The following RAPSN variants were observed in gnomAD, a reference collection of about 807,000 sequenced individuals.
RAPSN encodes 43 kDa receptor-associated protein of the synapse.
A neutral mutation model predicts 45.7 loss-of-function variants in RAPSN; 33 were observed. The observed-to-expected ratio is 0.72, with a 90% CI of 0.55 to 0.97. The LOEUF (loss-of-function observed/expected upper bound fraction) is 0.97. Among genes scored for constraint, RAPSN ranks in the 50% least tolerant of loss-of-function variants. The pLI is 0.00. For missense variants in RAPSN, 519 were observed against 559.4 expected (o/e 0.93, Z 0.73); for synonymous variants, 244 against 233.6 (o/e 1.04, Z -0.40).
chr11:47,437,880 G>T lies in RAPSN; in HGVS notation c.*95C>A. 6.7e-7 allele frequency: 1 copy of T among 1,492,454 alleles called. No homozygotes were observed. Among genetic ancestry groups the T allele is most frequent in the Non-Finnish European group, 9.1e-7 (1 of 1,095,578 alleles). The allele number at this position is 1,492,454 out of a possible 1,614,324, so 92.5% of individuals were successfully genotyped here. A position where few individuals can be genotyped will look rare whatever the true frequency, so the allele number is the denominator to read the frequency against. The stretch of plus-strand genomic sequence containing the variant: ...CCAAGGCCTTGGCTATGGTGAGGAC[G>T]ACCTGGCAGCTGCCCCAGGAGTAAA... On this transcript the variant is annotated 3_prime_UTR_variant, in exon 8 of 8. Transcript: ENST00000298854.
In RAPSN at chr11:47,438,820, C is replaced by A; in HGVS notation, c.1078G>T (p.Glu360Ter). The change falls in exon 7 of 8, where the codon GAG becomes TAG. Residue 360 changes from glutamate (E) to a stop codon, truncating the protein, a stop_gained. Coordinates refer to ENST00000298854, the MANE Select transcript of RAPSN (RefSeq NM_005055.5). LOFTEE classifies it high-confidence loss of function. ...VRFHECVEETELYCGLCGESI... is the reference protein window; with the variant it reads ...VRFHECVEET ...TCGCCGCACAGGCCGCAGTAGAGCT[C>A]CGTCTCCTCCACGCACTCGTGGAAC... 1 of 1,573,726 alleles carries A rather than the reference C, an allele frequency of 6.4e-7. No homozygotes were observed. The highest frequency in any genetic ancestry group is 8.6e-7 in the Non-Finnish European group (1 of 1,158,706).
rs1161231934 is a variant in RAPSN, at chr11:47,443,931, C to CAAAAAAAAAAAAAAAAAAAA, written c.532-1137_532-1118dup. 5.4e-3 allele frequency among the ~76,000 whole-genome samples: 75 copies of CAAAAAAAAAAAAAAAAAAAA among 13,968 alleles called. 2 individuals are homozygous for CAAAAAAAAAAAAAAAAAAAA. The highest frequency in any genetic ancestry group is 6.0e-3 in the Non-Finnish European group (50 of 8,374). The allele number at this position is 13,968 out of a possible 152,430, so 9.2% of individuals were successfully genotyped here. On this transcript the variant is annotated intron_variant, in intron 2 of 7. Transcript: ENST00000298854. ...GGTGACAGAGGCAGACTCTGTCTCA[C>CAAAAAAAAAAAAAAAAAAAA]AAAAAAAAAAAAAAAAAAAAAAAAA...
intron 6 of RAPSN, among the ~76,000 whole-genome samples, chr11:47,439,207 C>A (rs1024571224): frequency 6.6e-6 from 1 of 152,222 alleles, no homozygotes; most frequent in Non-Finnish European, 1.5e-5. Context: ...GGCGCCGTGG[C>A]TCATGCCTGT....
At chr11:47,448,205 C>T (rs2076426007) in intron 1 of RAPSN, 55 bp from the exon 2 acceptor site, 1 of 1,576,096 alleles carries the variant, frequency 6.3e-7, no homozygotes, top group Non-Finnish European at 8.6e-7. Flanking sequence ...GAGCCTTGGA[C>T]CCCAGCCTGC....
chr11:47,438,621 C>T (rs551382757), intron 7 of RAPSN, 111 bp downstream of exon 7: 2 of 1,362,226 alleles, frequency 1.5e-6, no homozygotes, highest in Non-Finnish European at 2.0e-6. Flanking sequence ...CCACGCCTGG[C>T]CAAGGTTAAG....
Position 47,449,060 on chromosome 11 carries a change from G to A in RAPSN, c.-96C>T, listed in dbSNP as rs754939803. The A allele has an allele frequency of 1.0e-5, 15 of 1,465,970 alleles. No homozygotes were observed. The highest frequency in any genetic ancestry group is 1.9e-4 in the Middle Eastern group (1 of 5,174). The allele number at this position is 1,465,970 out of a possible 1,614,324, so 90.8% of individuals were successfully genotyped here. ...GGAATCACAGTGCCAGCTGCCCCCC[G>A]AAACGTGGGAACAAAAGCAGCGTCG... is the stretch of plus-strand genomic sequence containing the variant. On this transcript the variant is annotated 5_prime_UTR_variant, in exon 1 of 8. Coordinates refer to ENST00000298854, the MANE Select transcript of RAPSN (RefSeq NM_005055.5).
chr11:47,445,134 G>A (rs2076395232), intron 2 of RAPSN, among the ~76,000 whole-genome samples: 1 of 151,646 alleles, frequency 6.6e-6, no homozygotes. Flanking sequence ...GGGAGGCTGA[G>A]GCAGGAGAAT....
Position 47,447,996 on chromosome 11 carries a change from CT to C in RAPSN, c.346del (p.Arg116GlyfsTer12), listed in dbSNP as rs1371859477. 1.2e-6 allele frequency: 2 copies of C among 1,613,980 alleles called. No individual in the cohort carries two copies. Among genetic ancestry groups the C allele is most frequent in the Non-Finnish European group, 1.7e-6 (2 of 1,180,018 alleles). On this transcript the variant is annotated frameshift_variant, in exon 2 of 8. Coordinates refer to ENST00000298854, the MANE Select transcript of RAPSN (RefSeq NM_005055.5). LOFTEE classifies it high-confidence loss of function. ...CKTCLGLPGT[R>X]AGAQLGGQVS... ...CTGGCCTCCGAGCTGGGCACCTGCC[CT>C]GGTACCAGGCAGCCCAAGGCAGGTC...
chr11:47,440,681 G>A (rs2076354928), intron 6 of RAPSN, among the ~76,000 whole-genome samples: 1 of 152,246 alleles, frequency 6.6e-6, no homozygotes, highest in Non-Finnish European at 1.5e-5. Context: ...CTGGGAGGCA[G>A]AGGTTGCAGT....
At position 47,441,889 on chromosome 11, in the gene RAPSN, G is replaced by T; in HGVS notation, c.723C>A (p.Asp241Glu). Residue 241 changes from aspartate to glutamate, a missense_variant, in exon 4 of 8, where the codon GAC becomes GAA. Physicochemically the swap from Asp to Glu is conservative, Grantham distance 45. Coordinates refer to ENST00000298854, the MANE Select transcript of RAPSN (RefSeq NM_005055.5). ...ESMKIALQHG[D>E]RPLQALCLLC... ...GCAGGCAGAGCGCCTGCAGTGGCCG[G>T]TCCCCGTGCTGCAGCGCGATCTTCA... 1 of 1,592,832 alleles carries T rather than the reference G, an allele frequency of 6.3e-7. No individual in the cohort carries two copies.
rs1046873284 is a variant in RAPSN, at chr11:47,437,912, T to A, written c.*63A>T. On this transcript the variant is annotated 3_prime_UTR_variant, in exon 8 of 8. Coordinates refer to ENST00000298854, the MANE Select transcript of RAPSN (RefSeq NM_005055.5). ...CAGCTGCCCCAGGAGTAAATGGGCC[T>A]CTGGCGTGCAGTGGAGAAAGAGCAG... is the stretch of plus-strand genomic sequence containing the variant. 7.8e-6 allele frequency: 12 copies of A among 1,542,916 alleles called. No individual in the cohort carries two copies. The highest frequency in any genetic ancestry group is 1.1e-5 in the Non-Finnish European group (12 of 1,139,664).
chr11:47,441,762 G>T (rs1375686973), intron 4 of RAPSN, 29 bp from the exon 5 acceptor site: 1 of 1,603,632 alleles, frequency 6.2e-7, no homozygotes, highest in East Asian at 2.2e-5. Flanking sequence ...GATGGAATCA[G>T]GCTGTATCAG....
At position 47,437,767 on chromosome 11, in the gene RAPSN, G is replaced by T; in HGVS notation, c.*208C>A. ...TGGAAAGTCGGAATCCCTGGGACCA[G>T]GTACAAACAGTTTATTTTTCTATAA... On this transcript the variant is annotated 3_prime_UTR_variant, in exon 8 of 8. Coordinates refer to ENST00000298854, the MANE Select transcript of RAPSN (RefSeq NM_005055.5). The T allele has an allele frequency of 1.5e-6, 1 of 689,370 alleles. No homozygotes were observed. Among genetic ancestry groups the T allele is most frequent in the Non-Finnish European group, 2.5e-6 (1 of 394,370 alleles). 42.7% of individuals were successfully genotyped at this position (689,370 alleles called of 1,614,324 possible). A position where few individuals can be genotyped will look rare whatever the true frequency, so the allele number is the denominator to read the frequency against.
chr11:47,438,154 G>T, intron 7 of RAPSN, 107 bp from the exon 8 acceptor site: 1 of 1,313,484 alleles, frequency 7.6e-7, no homozygotes, highest in Non-Finnish European at 1.1e-6. Context: ...GCATCCTGGT[G>T]GCTGTTCAGC....
Position 47,442,814 on chromosome 11 carries a change from C to T in RAPSN, c.532G>A (p.Asp178Asn). ...SLGSFYAQVK[D>N]YEKALFFPCK... Reference sequence around the variant, plus strand: ...GGGAAGAACAGGGCTTTCTCGTAGTCCTGCAGGGGACATGGAATGGAAGGA... The same window carrying T: ...GGGAAGAACAGGGCTTTCTCGTAGTTCTGCAGGGGACATGGAATGGAAGGA... Residue 178 changes from aspartate (D) to asparagine (N), a missense_variant and splice_region_variant, in exon 3 of 8, where the codon GAC becomes AAC. Physicochemically the swap from Asp to Asn is conservative, Grantham distance 23 (BLOSUM62 1). Transcript: ENST00000298854. The T allele has an allele frequency of 6.2e-7, 1 of 1,614,034 alleles. No individual in the cohort carries two copies. The highest frequency in any genetic ancestry group is 8.5e-7 in the Non-Finnish European group (1 of 1,180,046).
rs2076374783 is a variant in RAPSN at position 47,442,693 on chromosome 11, A to G, written c.653T>C (p.Leu218Pro). 5.6e-6 allele frequency: 9 copies of G among 1,614,162 alleles called. No individual in the cohort carries two copies. The highest frequency in any genetic ancestry group is 5.1e-6 in the Non-Finnish European group (6 of 1,180,018). ...SQYHMAVAYR[L>P]LGRLGSAMEC... is the part of the protein sequence containing the mutation. ...CATGGCACTGCCCAGGCGGCCCAGCAGGCGATAGGCCACGGCCATGTGGTA... is the reference window on the plus strand; with the variant it reads ...CATGGCACTGCCCAGGCGGCCCAGCGGGCGATAGGCCACGGCCATGTGGTA... Residue 218 changes from leucine to proline, a missense_variant, in exon 3 of 8, where the codon CTG (leucine) becomes CCG (proline). Leu to Pro is a moderately conservative substitution (Grantham distance 98, BLOSUM62 -3). Transcript: ENST00000298854.
chr11:47,444,172 T>C (rs2076387375), intron 2 of RAPSN, among the ~76,000 whole-genome samples: 1 of 152,034 alleles, frequency 6.6e-6, no homozygotes, highest in African/African-American at 2.4e-5. Flanking sequence ...ATATGCCTTA[T>C]TACATACTTT....
intron 3 of RAPSN, 136 bp from the exon 4 acceptor site, chr11:47,442,057 A>AG (rs2076370226): frequency 1.1e-6 from 1 of 939,658 alleles, no homozygotes; most frequent in Admixed American, 2.1e-5. Context: ...CATGGTGCTG[A>AG]GGGCTCACAC....
rs1279652964 is a variant in RAPSN, at chr11:47,438,852, A to G, written c.1046T>C (p.Val349Ala). ...CTCCACGCACTCGTGGAACCTCACA[A>G]CGTGCGCCCGCAGTTCCCGCTGCAG... ...KGLQRELRAH[V>A]VRFHECVEET... The change falls in exon 7 of 8, where the codon GTT (valine) becomes GCT (alanine). Residue 349 changes from valine to alanine, a missense_variant. Transcript: ENST00000298854. The G allele has an allele frequency of 6.4e-7, 1 of 1,570,594 alleles. No homozygotes were observed. The highest frequency in any genetic ancestry group is 8.6e-7 in the Non-Finnish European group (1 of 1,157,372).
Sources: allele counts gnomAD v4.1 joint callset (sites outside exome capture counted in the v4.1 genomes callset), GRCh38; gene constraint gnomAD v4.1.1; transcripts MANE v1.5; gene names NCBI Gene and HGNC (gene_info 2026-07-23, HGNC 2026-07-21).